The following AFAP1 variants were observed in gnomAD, a reference collection of about 807,000 sequenced individuals.
The protein encoded by AFAP1 is actin filament-associated protein 1.
AFAP1 carries 75 observed loss-of-function variants against 93.9 expected under a neutral mutation model. The observed-to-expected ratio is 0.80, with a 90% confidence interval of 0.66 to 0.97. AFAP1 has a LOEUF of 0.97. AFAP1 is among the 50% of genes least tolerant of loss of function. AFAP1 has a pLI of 0.00. For synonymous variants in AFAP1, 517 were observed against 430.7 expected (o/e 1.20, Z -2.48); for missense variants, 1,201 against 1,050.8 (o/e 1.14, Z -1.98).
At chr4:7,823,487 C>T (rs868041802) in intron 6 of AFAP1, among the ~76,000 whole-genome samples, 4 of 152,232 alleles carry the variant, frequency 2.6e-5, no homozygotes, top group African/African-American at 4.8e-5. Flanking sequence ...CTGGCACATA[C>T]GCACTTCCCC....
intron 1 of AFAP1, among the ~76,000 whole-genome samples, chr4:7,923,349 G>C (rs925329225): frequency 3.3e-5 from 5 of 152,200 alleles, no homozygotes; most frequent in African/African-American, 1.2e-4. Context: ...ATTTCCCACA[G>C]CTCTGGAGGC....
At chr4:7,837,873 G>A (rs530682327) in intron 6 of AFAP1, among the ~76,000 whole-genome samples, 9 of 152,222 alleles carry the variant, frequency 5.9e-5, no homozygotes, top group African/African-American at 1.2e-4. Flanking sequence ...ACAAAAACTA[G>A]CCAGGAATGG....
intron 9 of AFAP1, among the ~76,000 whole-genome samples, chr4:7,804,510 C>T (rs994352352): frequency 2.0e-5 from 3 of 152,052 alleles, no homozygotes; most frequent in Non-Finnish European, 2.9e-5. Context: ...CTTTACAGCT[C>T]GAAGATTAAA....
At chr4:7,849,741 T>C (rs1361811338) in intron 4 of AFAP1, among the ~76,000 whole-genome samples, 1 of 152,226 alleles carries the variant, frequency 6.6e-6, no homozygotes, top group African/African-American at 2.4e-5. Context: ...AGGCAAGGCA[T>C]TTGGAGTGCA....
chr4:7,771,186 A>G (rs1041825935), intron 16 of AFAP1, among the ~76,000 whole-genome samples: 20 of 152,218 alleles, frequency 1.3e-4, no homozygotes, highest in African/African-American at 4.6e-4. Context: ...TATCTTGTTC[A>G]TAACTGCAGG....
rs1278534428 is a variant in AFAP1, at chr4:7,918,894, T to C, written c.-3+20762A>G. ...GAAACAGGGCTGCCGGAAGAGACAC[T>C]CGGCCCAGGTCACCAGGAAACAGGG... On this transcript the variant is annotated intron_variant, in intron 1 of 17. Transcript: ENST00000420658. Among the ~76,000 whole-genome samples, 2 of 143,716 alleles carry C rather than the reference T, an allele frequency of 1.4e-5. 1 individual carries two copies. The highest frequency in any genetic ancestry group is 3.0e-5 in the Non-Finnish European group (2 of 66,332). 94.3% of individuals were successfully genotyped at this position (143,716 alleles called of 152,430 possible).
intron 6 of AFAP1, among the ~76,000 whole-genome samples, chr4:7,823,282 A>G (rs1721136184): frequency 6.6e-6 from 1 of 152,194 alleles, no homozygotes; most frequent in Non-Finnish European, 1.5e-5. Flanking sequence ...GAATGAGGAA[A>G]GAAACTGGAA....
At chr4:7,788,543 C>T (rs1219811011) in intron 11 of AFAP1, 1 of 152,080 alleles carries the variant, frequency 6.6e-6, no homozygotes, top group Non-Finnish European at 1.5e-5. Context: ...ATATGCTAAA[C>T]TTAAAGTACA....
At chr4:7,933,057 G>A (rs944800574) in intron 1 of AFAP1, among the ~76,000 whole-genome samples, 5 of 141,024 alleles carry the variant, frequency 3.5e-5, no homozygotes, top group East Asian at 2.0e-4. Context: ...GGATCTTCAC[G>A]TTCCTGACGA....
intron 10 of AFAP1, among the ~76,000 whole-genome samples, chr4:7,800,025 C>T (rs1718870791): frequency 1.3e-5 from 2 of 152,160 alleles, no homozygotes; most frequent in Non-Finnish European, 2.9e-5. Context: ...CCAAAGGAAA[C>T]ATTTACCACC....
chr4:7,809,218 A>G (rs1336982741), intron 9 of AFAP1, among the ~76,000 whole-genome samples: 1 of 89,234 alleles, frequency 1.1e-5, no homozygotes, highest in Non-Finnish European at 2.2e-5. Context: ...CACTCCCCCC[A>G]CCCCACTTAG....
chr4:7,803,063 C>G (rs1024670061), intron 9 of AFAP1, among the ~76,000 whole-genome samples: 2 of 152,320 alleles, frequency 1.3e-5, no homozygotes, highest in South Asian at 4.1e-4. Flanking sequence ...AGAGTAACCA[C>G]TCATGCTGAA....
intron 1 of AFAP1, among the ~76,000 whole-genome samples, chr4:7,914,282 T>C (rs1247658828): frequency 6.6e-6 from 1 of 152,148 alleles, no homozygotes; most frequent in Non-Finnish European, 1.5e-5. Context: ...CTCTAACTCC[T>C]GACCTCAGGT....
At chr4:7,921,184 T>TC (rs1198953978) in intron 1 of AFAP1, among the ~76,000 whole-genome samples, 1 of 137,130 alleles carries the variant, frequency 7.3e-6, no homozygotes, top group Non-Finnish European at 1.6e-5. Context: ...AGCAAAACTT[T>TC]TTTTTTTTTT....
chr4:7,788,166 G>T (rs1398245900), intron 11 of AFAP1, among the ~76,000 whole-genome samples: 1 of 152,224 alleles, frequency 6.6e-6, no homozygotes. Flanking sequence ...CACGGGTCAG[G>T]ACTAATAATG....
intron 4 of AFAP1, among the ~76,000 whole-genome samples, chr4:7,853,437 G>A (rs947221306): frequency 2.0e-5 from 3 of 152,134 alleles, no homozygotes; most frequent in South Asian, 2.1e-4. Context: ...AGGGACTGCC[G>A]CAGCTCACGT....
rs150433223 is a variant in AFAP1, at chr4:7,793,857, T to C, written c.1267-31A>G. ...GAAGTGGGAAAAAAGGTAGGCTGTA[T>C]TTAACTAAAGATTTTTACATTTTCA... On this transcript the variant is annotated intron_variant, in intron 10 of 17. Transcript: ENST00000420658. 1.3e-4 allele frequency: 190 copies of C among 1,485,396 alleles called. 1 individual carries two copies. The East Asian group carries it at 4.3e-3, about 34-fold the overall frequency. 92.0% of individuals were successfully genotyped at this position (1,485,396 alleles called of 1,614,324 possible). A position where few individuals can be genotyped will look rare whatever the true frequency, so the allele number is the denominator to read the frequency against.
At chr4:7,773,278 G>A (rs1715693897) in intron 15 of AFAP1, 7 of 426,564 alleles carry the variant, frequency 1.6e-5, no homozygotes, top group Admixed American at 8.1e-5. Context: ...TCCTGGCTCT[G>A]GGCCTCAATG....
intron 1 of AFAP1, among the ~76,000 whole-genome samples, chr4:7,920,760 C>T (rs1325337944): frequency 6.6e-6 from 1 of 152,100 alleles, no homozygotes; most frequent in Non-Finnish European, 1.5e-5. Flanking sequence ...AGTCGAAAGA[C>T]AATTTCGATA....
Sources: allele counts gnomAD v4.1 joint callset (sites outside exome capture counted in the v4.1 genomes callset), GRCh38; gene constraint gnomAD v4.1.1; transcripts MANE v1.5; gene names NCBI Gene and HGNC (gene_info 2026-07-23, HGNC 2026-07-21).